NEGR1: variants seen among roughly 807,000 people sequenced by gnomAD.
NEGR1 encodes neuronal growth regulator 1, also known as IgLON family member 4.
A neutral mutation model predicts 40.9 loss-of-function variants in NEGR1; 10 were observed. The observed-to-expected ratio is 0.24, with a 90% CI of 0.15 to 0.42. NEGR1 has a LOEUF of 0.42. NEGR1 is among the 10% of genes least tolerant of loss of function. NEGR1 has a pLI of 1.00. For synonymous variants in NEGR1, 185 were observed against 166.8 expected (o/e 1.11, Z -0.84); for missense variants, 352 against 438.9 (o/e 0.80, Z 1.77).
intron 6 of NEGR1, among the ~76,000 whole-genome samples, chr1:71,532,316 G>A (rs948200968): frequency 5.3e-5 from 8 of 151,448 alleles, no homozygotes; most frequent in Admixed American, 2.0e-4. Flanking sequence ...AAGTATTTGT[G>A]GCTGAATTAG....
intron 2 of NEGR1, among the ~76,000 whole-genome samples, chr1:71,933,837 A>G (rs1455007418): frequency 6.6e-6 from 1 of 152,096 alleles, no homozygotes; most frequent in Non-Finnish European, 1.5e-5. Flanking sequence ...ATTGTTTAAG[A>G]AGTTTAACCT....
At chr1:72,172,806 C>T (rs2100397271) in intron 1 of NEGR1, among the ~76,000 whole-genome samples, 1 of 152,106 alleles carries the variant, frequency 6.6e-6, no homozygotes, top group African/African-American at 2.4e-5. Context: ...AGAGGCTGCC[C>T]ACCTTATTTG....
intron 1 of NEGR1, among the ~76,000 whole-genome samples, chr1:72,022,260 C>CAT (rs59160727): frequency 0.033 from 3,662 of 110,866 alleles, 85 homozygotes; most frequent in Non-Finnish European, 0.051. Flanking sequence ...AAACAATTTT[C>CAT]ATATATATAT....
At chr1:72,252,853 G>A (rs867613356) in intron 1 of NEGR1, among the ~76,000 whole-genome samples, 56 of 152,068 alleles carry the variant, frequency 3.7e-4, no homozygotes, top group Admixed American at 2.2e-3. Context: ...ATATCATTCT[G>A]TTCACACCTC....
chr1:71,560,649 T>G lies in NEGR1; in HGVS notation c.940+32168A>C, dbSNP rs1394090570. ...TTTTGGTTAAGGTAATTAGAATTAC[T>G]CTTAGCTCTCAAAAAACATTTTGTG... On this transcript the variant is annotated intron_variant, in intron 6 of 6. Transcript: ENST00000357731. 2.6e-5 allele frequency among the ~76,000 whole-genome samples: 4 copies of G among 151,084 alleles called. No individual in the cohort carries two copies. The Admixed American group carries it at 2.7e-4, about 10-fold the overall frequency.
At chr1:72,158,888 T>C (rs1200738958) in intron 1 of NEGR1, among the ~76,000 whole-genome samples, 1 of 152,166 alleles carries the variant, frequency 6.6e-6, no homozygotes, top group African/African-American at 2.4e-5. Context: ...TTTTAAATCA[T>C]TAACATTTTG....
intron 1 of NEGR1, among the ~76,000 whole-genome samples, chr1:72,032,806 G>A (rs1646870774): frequency 6.6e-6 from 1 of 151,954 alleles, no homozygotes; most frequent in South Asian, 2.1e-4. Flanking sequence ...TCACTTCCTA[G>A]GTGAGTAGAC....
intron 3 of NEGR1, among the ~76,000 whole-genome samples, chr1:71,763,055 G>A (rs1655999126): frequency 6.6e-6 from 1 of 152,036 alleles, no homozygotes; most frequent in African/African-American, 2.4e-5. Context: ...GTGCATGGGG[G>A]AGGAATGTAT....
At chr1:71,813,003 C>A (rs1658059505) in intron 2 of NEGR1, among the ~76,000 whole-genome samples, 1 of 151,974 alleles carries the variant, frequency 6.6e-6, no homozygotes, top group South Asian at 2.1e-4. Context: ...ATGAAATTTT[C>A]TCCATGCCTA....
At chr1:72,258,032 A>T (rs1655332096) in intron 1 of NEGR1, among the ~76,000 whole-genome samples, 1 of 152,170 alleles carries the variant, frequency 6.6e-6, no homozygotes, top group South Asian at 2.1e-4. Context: ...CAAAAGGATC[A>T]CAGATATTCC....
At chr1:71,660,673 A>G (rs1046804510) in intron 4 of NEGR1, among the ~76,000 whole-genome samples, 3 of 152,268 alleles carry the variant, frequency 2.0e-5, no homozygotes, top group African/African-American at 7.2e-5. Context: ...CTAACAGATT[A>G]CTAATTTTGA....
chr1:72,270,742 T>C (rs1655814980), intron 1 of NEGR1, among the ~76,000 whole-genome samples: 1 of 151,846 alleles, frequency 6.6e-6, no homozygotes, highest in Non-Finnish European at 1.5e-5. Flanking sequence ...CACCCAATTA[T>C]AGTGATCTCT....
chr1:71,762,412 C>T (rs1425421594), intron 3 of NEGR1, among the ~76,000 whole-genome samples: 4 of 152,034 alleles, frequency 2.6e-5, no homozygotes, highest in African/African-American at 9.7e-5. Flanking sequence ...GTTGTATCAA[C>T]TATAGGCTGT....
intron 6 of NEGR1, among the ~76,000 whole-genome samples, chr1:71,431,233 A>G (rs559604777): frequency 1.2e-4 from 18 of 152,286 alleles, no homozygotes; most frequent in Non-Finnish European, 1.9e-4. Flanking sequence ...AATACCATGA[A>G]GATATAAATC....
chr1:72,098,696 C>G (rs1057442120), intron 1 of NEGR1, among the ~76,000 whole-genome samples: 7 of 152,106 alleles, frequency 4.6e-5, no homozygotes, highest in Non-Finnish European at 8.8e-5. Context: ...TAGTGTTTTT[C>G]CTTACTGAAC....
In NEGR1 at chr1:72,189,016, T is replaced by C. The variant is rs547638896; in HGVS notation, c.176+93303A>G. ...TATCATCTAATGTGAAAGTATATTG[T>C]ATTTTGTAAAAGTAACGCATTTGCA... On this transcript the variant is annotated intron_variant, in intron 1 of 6. Coordinates refer to ENST00000357731, the MANE Select transcript of NEGR1 (RefSeq NM_173808.3). 2.6e-4 allele frequency among the ~76,000 whole-genome samples: 39 copies of C among 151,556 alleles called. 1 individual carries two copies. The highest frequency in any genetic ancestry group is 5.5e-4 in the Non-Finnish European group (37 of 67,628).
At chr1:71,929,186 C>T (rs935629348) in intron 2 of NEGR1, among the ~76,000 whole-genome samples, 4 of 151,986 alleles carry the variant, frequency 2.6e-5, no homozygotes, top group Non-Finnish European at 5.9e-5. Flanking sequence ...AAAACATGGA[C>T]AATTTTGGGA....
At chr1:71,779,143 G>A (rs1395476204) in intron 2 of NEGR1, among the ~76,000 whole-genome samples, 1 of 152,174 alleles carries the variant, frequency 6.6e-6, no homozygotes, top group Non-Finnish European at 1.5e-5. Flanking sequence ...GGAAGCAGAT[G>A]CCATGTGTAA....
chr1:72,070,153 A>G (rs1444571529), intron 1 of NEGR1, among the ~76,000 whole-genome samples: 4 of 152,092 alleles, frequency 2.6e-5, no homozygotes, highest in African/African-American at 9.6e-5. Context: ...ATATCACTGA[A>G]TTATATAAAC....
Sources: gnomAD v4.1 joint callset for allele counts (sites outside exome capture counted in the v4.1 genomes callset) on GRCh38, gnomAD v4.1.1 for gene constraint, MANE v1.5 for transcripts, NCBI Gene and HGNC (gene_info 2026-07-23, HGNC 2026-07-21) for gene names.